The following ITPRID2 variants were observed in gnomAD, a reference collection of about 807,000 sequenced individuals.
ITPRID2 encodes the protein ITPR interacting domain containing 2.
A neutral mutation model predicts 124.3 loss-of-function variants in ITPRID2; 60 were observed. The ratio of observed to expected loss-of-function variants is 0.48; its 90% CI spans 0.39 to 0.60. The LOEUF (loss-of-function observed/expected upper bound fraction) is 0.60, where lower values mean the gene tolerates loss of function less well. ITPRID2 is among the 20% of genes least tolerant of loss of function. The probability of loss-of-function intolerance (pLI) is 0.00; values close to 1 mark genes in which losing one functional copy is unlikely to be tolerated. For missense variants in ITPRID2, 1,553 were observed against 1,512.2 expected, an observed-to-expected ratio of 1.03 and a Z score of -0.45; for synonymous variants, 521 against 542.9, an observed-to-expected ratio of 0.96 and a Z score of 0.56.
chr2:181,898,559 A>C (rs1292811028), intron 4 of ITPRID2, among the ~76,000 whole-genome samples: 1 of 152,122 alleles, frequency 6.6e-6, no homozygotes, highest in East Asian at 1.9e-4. Flanking sequence ...TATATGGTAC[A>C]TATCTTCCTC....
intron 10 of ITPRID2, among the ~76,000 whole-genome samples, chr2:181,914,604 G>C (rs1464195533): frequency 6.6e-6 from 1 of 152,138 alleles, no homozygotes; most frequent in African/African-American, 2.4e-5. Context: ...ACTTTCAGAA[G>C]GTATGGAAGA....
In ITPRID2 at chr2:181,892,580, GGT is replaced by G; in HGVS notation, c.212-33_212-32del. Reference sequence around the variant, plus strand: ...TGACTCCGCCGTCGTAGTGCTCCTGGGTGGTAACGTGCTGTCCCCTCTCTCTA... The same window carrying G: ...TGACTCCGCCGTCGTAGTGCTCCTGGGGTAACGTGCTGTCCCCTCTCTCTA... On this transcript the variant is annotated intron_variant, in intron 1 of 17. Coordinates refer to ENST00000431877, the MANE Select transcript of ITPRID2 (RefSeq NM_001130445.3). The surrounding 1 kb of genome is among the most constrained non-coding windows in gnomAD (Gnocchi z 5.2). 2 of 1,613,924 alleles carry G rather than the reference GGT, an allele frequency of 1.2e-6. No individual in the cohort carries two copies. Among genetic ancestry groups the G allele is most frequent in the Non-Finnish European group, 1.7e-6 (2 of 1,179,814 alleles).
chr2:181,901,677 T>A, intron 7 of ITPRID2, 89 bp from the exon 8 acceptor site: 1 of 943,234 alleles, frequency 1.1e-6, no homozygotes, highest in Non-Finnish European at 1.4e-6. Context: ...AGTGTAGTTT[T>A]TGGAATTCTA....
intron 11 of ITPRID2, 162 bp downstream of exon 11, chr2:181,916,589 C>A (rs1694073055): frequency 2.0e-6 from 2 of 978,612 alleles, no homozygotes. Flanking sequence ...TATCTTCCCT[C>A]CTGTTTCAAG....
intron 8 of ITPRID2, among the ~76,000 whole-genome samples, chr2:181,903,051 G>A (rs987290355): frequency 1.5e-4 from 23 of 152,174 alleles, no homozygotes; most frequent in Admixed American, 9.8e-4. Flanking sequence ...AAAGACCAAT[G>A]TTTGGTTACT....
At position 181,896,864 on chromosome 2, in the gene ITPRID2, A is replaced by G. The variant is rs1574200923; in HGVS notation, c.308-44A>G. The G allele has an allele frequency of 1.4e-6, 2 of 1,479,060 alleles. No homozygotes were observed. Among genetic ancestry groups the G allele is most frequent in the African/African-American group, 2.8e-5 (2 of 72,276 alleles). The allele number at this position is 1,479,060 out of a possible 1,614,324, so 91.6% of individuals were successfully genotyped here. A position where few individuals can be genotyped will look rare whatever the true frequency, so the allele number is the denominator to read the frequency against. ...AAACAGTGATTTTATATGAGGGTGGAGAGGAACAGAACACCAGGATGAGTT... is the reference window on the plus strand; with the variant it reads ...AAACAGTGATTTTATATGAGGGTGGGGAGGAACAGAACACCAGGATGAGTT... On this transcript the variant is annotated intron_variant, in intron 3 of 17. Transcript: ENST00000431877. The surrounding 1 kb of genome is among the most constrained non-coding windows in gnomAD (Gnocchi z 4.3).
chr2:181,912,627 C>A (rs931770327), intron 9 of ITPRID2, among the ~76,000 whole-genome samples: 13 of 152,140 alleles, frequency 8.5e-5, no homozygotes, highest in Admixed American at 4.6e-4. Context: ...TGGTTCATAT[C>A]TTAAATGAAT....
In ITPRID2 at chr2:181,896,162, T is replaced by TA; in HGVS notation, c.307+84dup. On this transcript the variant is annotated intron_variant, in intron 3 of 17. Transcript: ENST00000431877. The surrounding 1 kb of genome is among the most constrained non-coding windows in gnomAD (Gnocchi z 4.3). Reference sequence around the variant, plus strand: ...TCTGGGTAAAAGTGTATATATGACTTATAAAAGTGATATTCATGTTTATAG... The same window carrying TA: ...TCTGGGTAAAAGTGTATATATGACTTAATAAAAGTGATATTCATGTTTATAG... 4 of 1,214,254 alleles carry TA rather than the reference T, an allele frequency of 3.3e-6. No homozygotes were observed. The highest frequency in any genetic ancestry group is 2.5e-5 in the South Asian group (2 of 78,756). The allele number at this position is 1,214,254 out of a possible 1,614,324, so 75.2% of individuals were successfully genotyped here. A position where few individuals can be genotyped will look rare whatever the true frequency, so the allele number is the denominator to read the frequency against.
chr2:181,922,171 G>C lies in ITPRID2; in HGVS notation c.3434G>C (p.Arg1145Thr). The change falls in exon 16 of 18, where the codon AGG becomes ACG. Residue 1145 changes from arginine (R) to threonine (T), a missense_variant. Transcript: ENST00000431877. The stretch of plus-strand genomic sequence containing the variant: ...AAATCCAAAACCCCATTAGTGGCAA[G>C]GAAGAAAGTGTTCCGAGCATCGGTG... ...VGKSKTPLVARKKVFRASVAL... is the reference protein window; with the variant it reads ...VGKSKTPLVATKKVFRASVAL... 6.2e-7 allele frequency: 1 copy of C among 1,614,268 alleles called. No homozygotes were observed. Among genetic ancestry groups the C allele is most frequent in the Non-Finnish European group, 8.5e-7 (1 of 1,180,054 alleles).
chr2:181,913,743 G>T (rs1437674747), intron 9 of ITPRID2, 102 bp from the exon 10 acceptor site: 5 of 729,846 alleles, frequency 6.9e-6, no homozygotes, highest in Non-Finnish European at 8.7e-6. Flanking sequence ...TATCTGCTGG[G>T]AATCATATCT....
intron 16 of ITPRID2, among the ~76,000 whole-genome samples, chr2:181,927,509 T>C (rs1694950742): frequency 1.3e-5 from 2 of 152,214 alleles, no homozygotes; most frequent in South Asian, 4.1e-4. Flanking sequence ...TATCCTCATA[T>C]CCTATATGCA....
At chr2:181,917,824 G>A (rs1157741324) in intron 11 of ITPRID2, 1 of 152,132 alleles carries the variant, frequency 6.6e-6, no homozygotes, top group East Asian at 1.9e-4. Context: ...CGCCCACGTG[G>A]AGTGCTGGAG....
In ITPRID2 at chr2:181,902,126, C is replaced by T; in HGVS notation, c.1073C>T (p.Thr358Ile). Residue 358 changes from threonine to isoleucine, a missense_variant, in exon 8 of 18, where the codon ACA (threonine) becomes ATA (isoleucine). Physicochemically the swap from Thr to Ile is moderately conservative, Grantham distance 89. Coordinates refer to ENST00000431877, the MANE Select transcript of ITPRID2 (RefSeq NM_001130445.3). This position sits in a 1 kb window ranked among gnomAD's most constrained non-coding sequence, Gnocchi z 4.4. ...AAAGAGTCATCTTCTATGTTGGCTA[C>T]AGTTAAAGAAGAAGTCTCTGGTAGT... is the stretch of plus-strand genomic sequence containing the variant. The part of the protein sequence containing the change: ...KKKESSSMLA[T>I]VKEEVSGSSA... 6.2e-7 allele frequency: 1 copy of T among 1,613,236 alleles called. No homozygotes were observed. Among genetic ancestry groups the T allele is most frequent in the South Asian group, 1.1e-5 (1 of 90,754 alleles).
At chr2:181,918,462 A>G (rs1694242991) in intron 11 of ITPRID2, 136 bp from the exon 12 acceptor site, 7 of 1,463,508 alleles carry the variant, frequency 4.8e-6, no homozygotes, top group Non-Finnish European at 6.3e-6. Flanking sequence ...TCCTGCTTAC[A>G]ATATGAAGGT....
In ITPRID2 at chr2:181,910,434, A is replaced by G. The variant is rs886918022; in HGVS notation, c.1486+463A>G. The G allele has an allele frequency of 1.1e-5, 6 of 523,436 alleles. No individual in the cohort carries two copies. The highest frequency in any genetic ancestry group is 1.7e-5 in the Non-Finnish European group (5 of 292,270). The allele number at this position is 523,436 out of a possible 1,614,324, so 32.4% of individuals were successfully genotyped here. A position where few individuals can be genotyped will look rare whatever the true frequency, so the allele number is the denominator to read the frequency against. ...AGTTAAAGCTAGTTAAATTCAAACT[A>G]TGGGTCGAAGGTGAGTGGTTGTAGA... is the stretch of plus-strand genomic sequence containing the variant. On this transcript the variant is annotated intron_variant, in intron 9 of 17. Coordinates refer to ENST00000431877, the MANE Select transcript of ITPRID2 (RefSeq NM_001130445.3). This position sits in a 1 kb window ranked among gnomAD's most constrained non-coding sequence, Gnocchi z 4.1.
chr2:181,900,491 G>C (rs1412956115), intron 6 of ITPRID2, among the ~76,000 whole-genome samples: 3 of 152,090 alleles, frequency 2.0e-5, no homozygotes, highest in Non-Finnish European at 4.4e-5. Context: ...CTAGCAACTT[G>C]AGACAATGAA....
chr2:181,896,605 G>A lies in ITPRID2; in HGVS notation c.308-303G>A, dbSNP rs1558978224. On this transcript the variant is annotated intron_variant, in intron 3 of 17. Coordinates refer to ENST00000431877, the MANE Select transcript of ITPRID2 (RefSeq NM_001130445.3). This position sits in a 1 kb window ranked among gnomAD's most constrained non-coding sequence, Gnocchi z 4.3. ...AGAAGAATATTTGCTCCAGGATCTG[G>A]TTTTCCATGAAACTCTTGGTATGTA... Among the ~76,000 whole-genome samples the A allele has an allele frequency of 6.6e-6, 1 of 151,948 alleles. No individual in the cohort carries two copies. The highest frequency in any genetic ancestry group is 2.4e-5 in the African/African-American group (1 of 41,422).
chr2:181,901,897 C>G lies in ITPRID2; in HGVS notation c.844C>G (p.Pro282Ala). Residue 282 changes from proline (P) to alanine (A), a missense_variant, in exon 8 of 18, where the codon CCA becomes GCA. Physicochemically the swap from Pro to Ala is conservative, Grantham distance 27. Coordinates refer to ENST00000431877, the MANE Select transcript of ITPRID2 (RefSeq NM_001130445.3). The part of the protein sequence containing the change: ...SSVTSNKETD[P>A]PPPLTRSNTA... ...AGTGACCTCTAACAAGGAGACAGAC[C>G]CACCTCCACCTTTAACTCGAAGTAA... 1 of 1,613,764 alleles carries G rather than the reference C, an allele frequency of 6.2e-7. No individual in the cohort carries two copies. Among genetic ancestry groups the G allele is most frequent in the Non-Finnish European group, 8.5e-7 (1 of 1,179,866 alleles).
At chr2:181,901,151 CTTA>C (rs1342289362) in intron 7 of ITPRID2, among the ~76,000 whole-genome samples, 1 of 152,082 alleles carries the variant, frequency 6.6e-6, no homozygotes, top group East Asian at 1.9e-4. Flanking sequence ...TTTGCAGAAC[CTTA>C]TTGTTGTCTA....
Sources: gnomAD v4.1 joint callset for allele counts (sites outside exome capture counted in the v4.1 genomes callset) on GRCh38, gnomAD v4.1.1 for gene constraint, Gnocchi (gnomAD v3.1) non-coding constraint, MANE v1.5 for transcripts, NCBI Gene and HGNC (gene_info 2026-07-23, HGNC 2026-07-21) for gene names.